The following MRAP2 variants were observed in gnomAD, a reference collection of about 807,000 sequenced individuals.
The protein encoded by MRAP2 is melanocortin-2 receptor accessory protein 2.
Under a neutral mutation model 17.4 loss-of-function variants are expected in MRAP2, and 20 were observed. The ratio of observed to expected loss-of-function variants is 1.15; its 90% CI spans 0.81 to 1.67. The LOEUF (loss-of-function observed/expected upper bound fraction) is 1.67, where lower values mean the gene tolerates loss of function less well. MRAP2 is among the 40% of genes most tolerant of loss of function. The probability of loss-of-function intolerance (pLI) is 0.00; values close to 1 mark genes in which losing one functional copy is unlikely to be tolerated. For missense variants in MRAP2, 238 were observed against 240.0 expected, an observed-to-expected ratio of 0.99 and a Z score of 0.05; for synonymous variants, 96 against 88.4, an observed-to-expected ratio of 1.09 and a Z score of -0.48.
the MRAP2 span, among the ~76,000 whole-genome samples, chr6:84,133,656 C>T: frequency 7.2e-5 from 11 of 152,222 alleles, no homozygotes; most frequent in African/African-American, 2.7e-4. Flanking sequence ...GCATTGGACC[C>T]TCTGAGCCAT....
downstream of MRAP2, among the ~76,000 whole-genome samples, chr6:84,093,874 G>A (rs2099502207): frequency 6.6e-6 from 1 of 152,172 alleles, no homozygotes; most frequent in Admixed American, 6.5e-5. Context: ...GCAGGAACTT[G>A]CGGTTAACAG....
intron 1 of MRAP2, among the ~76,000 whole-genome samples, chr6:84,055,005 TC>T (rs1198350220): frequency 6.6e-6 from 1 of 152,100 alleles, no homozygotes; most frequent in Non-Finnish European, 1.5e-5. Context: ...ACTCTTTCCC[TC>T]CTTTCCTTCT....
the MRAP2 span, among the ~76,000 whole-genome samples, chr6:84,138,867 C>T: frequency 6.3e-3 from 955 of 152,314 alleles, 4 homozygotes; most frequent in African/African-American, 0.022. Context: ...ATCTTAAACA[C>T]TGAAAAGAAT....
chr6:84,126,595 A>T, the MRAP2 span: 1 of 1,039,470 alleles, frequency 9.6e-7, no homozygotes, highest in Non-Finnish European at 1.3e-6. Context: ...TATTTGTATA[A>T]AATTTCTCTA....
chr6:84,109,683 T>C, the MRAP2 span, among the ~76,000 whole-genome samples: 1 of 152,138 alleles, frequency 6.6e-6, no homozygotes, highest in Non-Finnish European at 1.5e-5. Flanking sequence ...ACACGTGCCA[T>C]AATTGTTTGC....
At chr6:84,068,816 A>C (rs1480648413) in intron 3 of MRAP2, among the ~76,000 whole-genome samples, 2 of 112,520 alleles carry the variant, frequency 1.8e-5, no homozygotes, top group African/African-American at 3.7e-5. Flanking sequence ...TTTGAGACGC[A>C]CACTACCATG....
chr6:84,134,867 G>A, the MRAP2 span, among the ~76,000 whole-genome samples: 3 of 150,202 alleles, frequency 2.0e-5, no homozygotes, highest in African/African-American at 7.4e-5. Context: ...ATTTTGAAAT[G>A]GTATAATAGA....
intron 2 of MRAP2, among the ~76,000 whole-genome samples, chr6:84,056,754 G>A (rs1483333653): frequency 6.6e-6 from 1 of 152,132 alleles, no homozygotes; most frequent in African/African-American, 2.4e-5. Flanking sequence ...ACTGCTTGGT[G>A]ACATCAACTT....
chr6:84,131,049 C>T, the MRAP2 span, among the ~76,000 whole-genome samples: 128 of 152,196 alleles, frequency 8.4e-4, no homozygotes, highest in African/African-American at 2.7e-3. Flanking sequence ...GATTCTGGTA[C>T]GTCATGTCTT....
the MRAP2 span, among the ~76,000 whole-genome samples, chr6:84,137,391 A>G: frequency 2.0e-5 from 3 of 152,198 alleles, no homozygotes; most frequent in South Asian, 6.2e-4. Context: ...CTGTTCATAA[A>G]ACAACAGCAG....
chr6:84,118,483 T>A, the MRAP2 span, among the ~76,000 whole-genome samples: 17 of 152,072 alleles, frequency 1.1e-4, no homozygotes, highest in African/African-American at 3.6e-4. Flanking sequence ...TCCCGCCCCA[T>A]GAAGAGGAAC....
At chr6:84,118,320 G>A in the MRAP2 span, among the ~76,000 whole-genome samples, 2 of 152,272 alleles carry the variant, frequency 1.3e-5, no homozygotes, top group African/African-American at 4.8e-5. Flanking sequence ...GGTCTGCTGG[G>A]ACTCTCCAAA....
downstream of MRAP2, among the ~76,000 whole-genome samples, chr6:84,094,847 G>A (rs949128793): frequency 3.3e-5 from 5 of 151,832 alleles, no homozygotes; most frequent in East Asian, 1.9e-4. Flanking sequence ...GCGCACCACC[G>A]CACCTGGCCA....
intron 3 of MRAP2, among the ~76,000 whole-genome samples, chr6:84,069,143 A>G (rs1340444882): frequency 6.6e-6 from 1 of 151,738 alleles, no homozygotes; most frequent in African/African-American, 2.4e-5. Context: ...TATGTTGAAG[A>G]GGAGTGGTGG....
chr6:84,040,691 T>C (rs1452632269), intron 1 of MRAP2, among the ~76,000 whole-genome samples: 1 of 152,136 alleles, frequency 6.6e-6, no homozygotes, highest in Non-Finnish European at 1.5e-5. Flanking sequence ...GGAGCAAAGG[T>C]GACTCTTGCT....
chr6:84,145,452 T>G, the MRAP2 span, among the ~76,000 whole-genome samples: 1 of 152,154 alleles, frequency 6.6e-6, no homozygotes, highest in Non-Finnish European at 1.5e-5. Context: ...TTTTTGCCAT[T>G]GGTCTTATTG....
At chr6:84,049,429 A>G (rs536623095) in intron 1 of MRAP2, among the ~76,000 whole-genome samples, 147 of 152,256 alleles carry the variant, frequency 9.7e-4, no homozygotes, top group African/African-American at 3.3e-3. Flanking sequence ...CATCTCAGAA[A>G]AAAAACACAC....
chr6:84,101,586 A>T, the MRAP2 span, among the ~76,000 whole-genome samples: 1 of 152,158 alleles, frequency 6.6e-6, no homozygotes, highest in Non-Finnish European at 1.5e-5. Flanking sequence ...CATTGATTAC[A>T]CCTGGTGAGA....
chr6:84,041,603 A>C (rs1426038312), intron 1 of MRAP2, among the ~76,000 whole-genome samples: 1 of 152,264 alleles, frequency 6.6e-6, no homozygotes, highest in East Asian at 1.9e-4. Flanking sequence ...ATGGGAGCCC[A>C]CCTCTTGCAT....
Sources: allele counts gnomAD v4.1 joint callset (sites outside exome capture counted in the v4.1 genomes callset), GRCh38; gene constraint gnomAD v4.1.1; transcripts MANE v1.5; gene names NCBI Gene and HGNC (gene_info 2026-07-23, HGNC 2026-07-21).